The following PHACTR1 variants were observed in gnomAD, a reference collection of about 807,000 sequenced individuals.
PHACTR1 encodes RPEL repeat containing 1.
In PHACTR1, 16 loss-of-function variants were observed where a neutral mutation model predicts 69.2. That is an observed-to-expected ratio of 0.23 (90% CI 0.16 to 0.35). PHACTR1 has a LOEUF of 0.35. Among genes scored for constraint, PHACTR1 ranks in the 10% least tolerant of loss-of-function variants. PHACTR1 has a pLI of 1.00. For synonymous variants in PHACTR1, 312 were observed against 284.5 expected, an observed-to-expected ratio of 1.10 and a Z score of -0.97; for missense variants, 510 against 734.7, an observed-to-expected ratio of 0.69 and a Z score of 3.54.
chr6:13,230,365 A>C, intron 10 of PHACTR1, 172 bp downstream of exon 10: 2 of 1,410,382 alleles, frequency 1.4e-6, no homozygotes, highest in South Asian at 2.6e-5. Flanking sequence ...CAGCCTGGCC[A>C]ACATGGTGAA....
At chr6:13,281,000 C>T (rs556558194) in intron 12 of PHACTR1, 5 of 1,289,594 alleles carry the variant, frequency 3.9e-6, no homozygotes, top group East Asian at 5.6e-5. Flanking sequence ...CTCTGAGAGG[C>T]AGCAGCCAGC....
At chr6:12,944,986 G>T (rs1207168248) in intron 4 of PHACTR1, among the ~76,000 whole-genome samples, 1 of 151,982 alleles carries the variant, frequency 6.6e-6, no homozygotes, top group Non-Finnish European at 1.5e-5. Flanking sequence ...GTTTCACCGT[G>T]TTAGCCAGGA....
At chr6:12,922,263 A>T (rs1344301933) in intron 4 of PHACTR1, among the ~76,000 whole-genome samples, 1 of 152,230 alleles carries the variant, frequency 6.6e-6, no homozygotes, top group African/African-American at 2.4e-5. Context: ...GGAATAAAAA[A>T]TGACTCTAAG....
In PHACTR1 at chr6:13,039,568, G is replaced by A. The variant is rs117262281; in HGVS notation, c.251-13797G>A. The stretch of plus-strand genomic sequence containing the variant: ...CTCAGGCACTCTCCTGAGTTTTTCT[G>A]GTAGATAAAGTAGAAGAATTATTTG... On this transcript the variant is annotated intron_variant, in intron 4 of 14. Coordinates refer to ENST00000332995, the MANE Select transcript of PHACTR1 (RefSeq NM_030948.6). Among the ~76,000 whole-genome samples the A allele has an allele frequency of 6.1e-4, 93 of 152,268 alleles. No homozygotes were observed. In the East Asian group the frequency reaches 7.5e-3, roughly 12 times the overall value.
intron 4 of PHACTR1, among the ~76,000 whole-genome samples, chr6:12,941,376 A>T (rs1582608897): frequency 1.3e-5 from 2 of 151,908 alleles, no homozygotes; most frequent in African/African-American, 4.9e-5. Context: ...TTATGGCATA[A>T]ATCACCTCTG....
chr6:13,016,874 C>G (rs1481133977), intron 4 of PHACTR1, among the ~76,000 whole-genome samples: 1 of 152,108 alleles, frequency 6.6e-6, no homozygotes, highest in Non-Finnish European at 1.5e-5. Flanking sequence ...AGACTCACAC[C>G]CTCATCTGTT....
At chr6:12,756,348 T>C (rs1435321378) in intron 4 of PHACTR1, among the ~76,000 whole-genome samples, 1 of 152,218 alleles carries the variant, frequency 6.6e-6, no homozygotes, top group Non-Finnish European at 1.5e-5. Context: ...TCATATTTTG[T>C]TTCTCACTTT....
intron 4 of PHACTR1, among the ~76,000 whole-genome samples, chr6:13,027,551 A>T (rs1801868859): frequency 1.4e-5 from 1 of 72,850 alleles, no homozygotes; most frequent in Non-Finnish European, 4.2e-5. Flanking sequence ...AGCAGCTCTG[A>T]TTACACTGTG....
At chr6:13,080,658 T>C (rs982544508) in intron 5 of PHACTR1, among the ~76,000 whole-genome samples, 12 of 152,188 alleles carry the variant, frequency 7.9e-5, no homozygotes, top group Non-Finnish European at 1.5e-5. Flanking sequence ...AATGAACTCA[T>C]TTGATCAGCA....
At chr6:13,048,717 A>G (rs1805481737) in intron 4 of PHACTR1, among the ~76,000 whole-genome samples, 1 of 152,166 alleles carries the variant, frequency 6.6e-6, no homozygotes, top group South Asian at 2.1e-4. Flanking sequence ...TTTTTAGTAG[A>G]GACAGGGTTT....
At chr6:13,271,376 C>T (rs1777684690) in intron 10 of PHACTR1, among the ~76,000 whole-genome samples, 1 of 152,150 alleles carries the variant, frequency 6.6e-6, no homozygotes, top group Non-Finnish European at 1.5e-5. Flanking sequence ...CTATATGAGA[C>T]ATTGAAGCCC....
intron 10 of PHACTR1, among the ~76,000 whole-genome samples, chr6:13,239,322 C>T (rs1475677165): frequency 6.6e-6 from 1 of 152,176 alleles, no homozygotes; most frequent in Admixed American, 6.5e-5. Flanking sequence ...ACCACAAATG[C>T]GTGGACTTCG....
At chr6:12,830,340 A>AC (rs1344685427) in intron 4 of PHACTR1, among the ~76,000 whole-genome samples, 6 of 151,682 alleles carry the variant, frequency 4.0e-5, no homozygotes, top group Admixed American at 6.6e-5. Context: ...TTAGAAAAAA[A>AC]AAAAAAGCTG....
intron 5 of PHACTR1, among the ~76,000 whole-genome samples, chr6:13,131,192 C>CACAT (rs1491077777): frequency 1.5e-5 from 2 of 133,606 alleles, no homozygotes; most frequent in African/African-American, 3.0e-5. Context: ...CACACACACA[C>CACAT]ATATATATAT....
chr6:13,221,992 G>A (rs1010678869), intron 8 of PHACTR1, among the ~76,000 whole-genome samples: 2 of 151,444 alleles, frequency 1.3e-5, no homozygotes, highest in Non-Finnish European at 2.9e-5. Context: ...CCGAGATCAC[G>A]CCACTGCACT....
chr6:12,814,411 T>G (rs553272368), intron 4 of PHACTR1, among the ~76,000 whole-genome samples: 2 of 152,258 alleles, frequency 1.3e-5, no homozygotes, highest in Non-Finnish European at 2.9e-5. Context: ...TGGCACAGAA[T>G]AGACGCTCCA....
chr6:12,910,617 A>T (rs980320184), intron 4 of PHACTR1, among the ~76,000 whole-genome samples: 1 of 152,220 alleles, frequency 6.6e-6, no homozygotes, highest in African/African-American at 2.4e-5. Flanking sequence ...AGCTTTGTTC[A>T]TCAGCACCAT....
rs544986344 is a variant in PHACTR1, at chr6:13,076,437, C to T, written c.415+22908C>T. ...TGTTCATGCATGCATGCAACAAACA[C>T]GGAACACCTAGCAACACTGGCTCTG... is the stretch of plus-strand genomic sequence containing the variant. On this transcript the variant is annotated intron_variant, in intron 5 of 14. Transcript: ENST00000332995. Among the ~76,000 whole-genome samples, 4 of 152,206 alleles carry T rather than the reference C, an allele frequency of 2.6e-5. No individual in the cohort carries two copies. The East Asian group carries it at 7.7e-4, about 29-fold the overall frequency.
At chr6:12,797,756 G>A (rs763163322) in intron 4 of PHACTR1, among the ~76,000 whole-genome samples, 1 of 152,066 alleles carries the variant, frequency 6.6e-6, no homozygotes, top group Non-Finnish European at 1.5e-5. Context: ...AACGCATCAA[G>A]CTCATTCTTC....
Sources: gnomAD v4.1 joint callset for allele counts (sites outside exome capture counted in the v4.1 genomes callset) on GRCh38, gnomAD v4.1.1 for gene constraint, MANE v1.5 for transcripts, NCBI Gene and HGNC (gene_info 2026-07-23, HGNC 2026-07-21) for gene names.